Variants in FRMD5 observed in about 807,000 individuals in gnomAD.
The protein encoded by FRMD5 is FERM domain containing 5.
In FRMD5, 20 loss-of-function variants were observed where a neutral mutation model predicts 69.0. That is an observed-to-expected ratio of 0.29 (90% confidence interval 0.20 to 0.42). The LOEUF (loss-of-function observed/expected upper bound fraction) is 0.42, where lower values mean the gene tolerates loss of function less well. FRMD5 is among the 10% of genes least tolerant of loss of function. The pLI is 1.00. For synonymous variants in FRMD5, 271 were observed against 260.1 expected (o/e 1.04, Z -0.40); for missense variants, 595 against 708.6 (o/e 0.84, Z 1.82).
intron 1 of FRMD5, among the ~76,000 whole-genome samples, chr15:43,928,442 G>A (rs1161494760): frequency 6.6e-6 from 1 of 152,234 alleles, no homozygotes; most frequent in Non-Finnish European, 1.5e-5. Flanking sequence ...CCCTTCCTTT[G>A]AGGCACTCAC....
At chr15:43,995,474 C>T (rs1260155208) in intron 1 of FRMD5, among the ~76,000 whole-genome samples, 1 of 151,906 alleles carries the variant, frequency 6.6e-6, no homozygotes, top group Non-Finnish European at 1.5e-5. Context: ...AGGAGCTGGC[C>T]TGGAGCATGG....
rs1049152520 is a variant in FRMD5 at position 43,872,992 on chromosome 15, T to C, written c.*893A>G. On this transcript the variant is annotated 3_prime_UTR_variant, in exon 14 of 14. Coordinates refer to ENST00000417257, the MANE Select transcript of FRMD5 (RefSeq NM_032892.5). ...TAACTCTGCTTTCTCTTAACTACAC[T>C]TTGTCCAACATTTCTGACAGAACTA... The C allele has an allele frequency of 2.7e-5, 16 of 589,758 alleles. No homozygotes were observed. The highest frequency in any genetic ancestry group is 4.7e-5 in the Non-Finnish European group (16 of 340,276). The allele number at this position is 589,758 out of a possible 1,614,324, so 36.5% of individuals were successfully genotyped here.
intron 1 of FRMD5, among the ~76,000 whole-genome samples, chr15:44,156,486 C>T (rs1003399889): frequency 3.9e-5 from 6 of 152,178 alleles, no homozygotes; most frequent in Non-Finnish European, 7.4e-5. Flanking sequence ...AAAGATTGTG[C>T]TTTAAAAAGT....
At chr15:44,008,094 T>G (rs1172808913) in intron 1 of FRMD5, among the ~76,000 whole-genome samples, 20 of 134,148 alleles carry the variant, frequency 1.5e-4, no homozygotes, top group Admixed American at 1.3e-3. Flanking sequence ...CGGCAATTTT[T>G]TTTTTTTTTT....
intron 1 of FRMD5, among the ~76,000 whole-genome samples, chr15:44,003,572 G>C (rs1890307875): frequency 6.6e-6 from 1 of 152,018 alleles, no homozygotes; most frequent in East Asian, 1.9e-4. Flanking sequence ...TAGCCTCCTT[G>C]CTATTTGTCA....
At chr15:43,983,522 G>A (rs1044766432) in intron 1 of FRMD5, among the ~76,000 whole-genome samples, 10 of 152,082 alleles carry the variant, frequency 6.6e-5, no homozygotes, top group Admixed American at 6.6e-4. Flanking sequence ...GTCTGTTATC[G>A]CCAGCAAGAT....
chr15:44,171,992 G>T (rs1282189876), intron 1 of FRMD5, among the ~76,000 whole-genome samples: 1 of 152,020 alleles, frequency 6.6e-6, no homozygotes, highest in African/African-American at 2.4e-5. Flanking sequence ...TCAAACTCCT[G>T]ACCTCAAGTG....
rs142599802 is a variant in FRMD5 at position 43,894,798 on chromosome 15, C to T, written c.640-2729G>A. Among the ~76,000 whole-genome samples, 23 of 152,234 alleles carry T rather than the reference C, an allele frequency of 1.5e-4. No homozygotes were observed. In the East Asian group the frequency reaches 4.3e-3, roughly 28 times the overall value. ...GGTGCGGGCTCTTGGTCAAACCGCTCGGGTCCAGGTCCAGCTCTGCCACTC... is the reference window on the plus strand; with the variant it reads ...GGTGCGGGCTCTTGGTCAAACCGCTTGGGTCCAGGTCCAGCTCTGCCACTC... On this transcript the variant is annotated intron_variant, in intron 7 of 13. Coordinates refer to ENST00000417257, the MANE Select transcript of FRMD5 (RefSeq NM_032892.5).
chr15:44,173,110 CCAA>C (rs1412973277), intron 1 of FRMD5, among the ~76,000 whole-genome samples: 5 of 151,990 alleles, frequency 3.3e-5, no homozygotes, highest in Admixed American at 2.0e-4. Context: ...CTATTACAGA[CCAA>C]CAAATGGGCT....
At chr15:44,060,251 T>G (rs1893037096) in intron 1 of FRMD5, among the ~76,000 whole-genome samples, 1 of 152,124 alleles carries the variant, frequency 6.6e-6, no homozygotes, top group African/African-American at 2.4e-5. Context: ...AAGCAGCCCT[T>G]GAAGGCAGCG....
chr15:44,194,909 G>C (rs969817845), intron 1 of FRMD5, 44 bp downstream of exon 1: 1 of 1,469,998 alleles, frequency 6.8e-7, no homozygotes, highest in Non-Finnish European at 9.2e-7. Context: ...AGACTTGGGG[G>C]ACAAGGGGGT....
At chr15:44,057,788 A>G (rs527440500) in intron 1 of FRMD5, among the ~76,000 whole-genome samples, 5 of 152,312 alleles carry the variant, frequency 3.3e-5, no homozygotes, top group Admixed American at 3.3e-4. Context: ...AACATTCTGA[A>G]TTCTGTAAAA....
In FRMD5 at chr15:44,142,024, T is replaced by C. The variant is rs2140447836; in HGVS notation, c.102+52929A>G. On this transcript the variant is annotated intron_variant, in intron 1 of 13. Coordinates refer to ENST00000417257, the MANE Select transcript of FRMD5 (RefSeq NM_032892.5). Reference sequence around the variant, plus strand: ...GTCTGTGGCCTTTTCCATAATCTCTTTATGTCATCAGATGTATTCATTATC... The same window carrying C: ...GTCTGTGGCCTTTTCCATAATCTCTCTATGTCATCAGATGTATTCATTATC... Among the ~76,000 whole-genome samples the C allele has an allele frequency of 3.3e-5, 5 of 152,252 alleles. 1 individual carries two copies. The Middle Eastern group carries it at 0.01, about 311-fold the overall frequency.
chr15:43,910,798 A>T (rs1327572802), intron 4 of FRMD5, among the ~76,000 whole-genome samples: 2 of 152,226 alleles, frequency 1.3e-5, no homozygotes, highest in South Asian at 2.1e-4. Flanking sequence ...TAACTTATTT[A>T]ATTCTCACAT....
rs1009900806 is a variant in FRMD5 at position 43,872,616 on chromosome 15, T to C, written c.*1269A>G. 1 of 153,302 alleles carries C rather than the reference T, an allele frequency of 6.5e-6. No individual in the cohort carries two copies. The highest frequency in any genetic ancestry group is 2.4e-5 in the African/African-American group (1 of 41,458). The allele number at this position is 153,302 out of a possible 1,614,324, so 9.5% of individuals were successfully genotyped here. On this transcript the variant is annotated 3_prime_UTR_variant, in exon 14 of 14. Transcript: ENST00000417257. ...CTAGAACTTATGCAGAGGATGACCCTAGGGGGCAGCATTTCTACATCTAAG... is the reference window on the plus strand; with the variant it reads ...CTAGAACTTATGCAGAGGATGACCCCAGGGGGCAGCATTTCTACATCTAAG...
intron 1 of FRMD5, among the ~76,000 whole-genome samples, chr15:43,964,337 T>C (rs931033582): frequency 3.9e-5 from 6 of 151,952 alleles, no homozygotes; most frequent in Non-Finnish European, 8.8e-5. Context: ...ACTTTTTTTC[T>C]TTTTTCAAGC....
rs759055670 is a variant in FRMD5, at chr15:43,888,892, G to A, written c.729-20C>T. ...TCATTCCTAGAAGCACAAAGATAGTGCCTGTCACCTCATTGTGGGCTGCTT... is the reference window on the plus strand; with the variant it reads ...TCATTCCTAGAAGCACAAAGATAGTACCTGTCACCTCATTGTGGGCTGCTT... On this transcript the variant is annotated intron_variant, in intron 8 of 13. Coordinates refer to ENST00000417257, the MANE Select transcript of FRMD5 (RefSeq NM_032892.5). 1 of 1,608,604 alleles carries A rather than the reference G, an allele frequency of 6.2e-7. No individual in the cohort carries two copies. Among genetic ancestry groups the A allele is most frequent in the East Asian group, 2.2e-5 (1 of 44,850 alleles).
chr15:44,144,522 G>C (rs1436875666), intron 1 of FRMD5, among the ~76,000 whole-genome samples: 1 of 152,060 alleles, frequency 6.6e-6, no homozygotes, highest in Non-Finnish European at 1.5e-5. Context: ...AGAGGGTCTT[G>C]GGCCCAGAGG....
chr15:43,900,648 C>T (rs947220087), intron 7 of FRMD5, among the ~76,000 whole-genome samples: 2 of 148,024 alleles, frequency 1.4e-5, no homozygotes, highest in African/African-American at 2.5e-5. Flanking sequence ...GACAGAGTCT[C>T]GCTCTGTCAC....
Sources: gnomAD v4.1 joint callset for allele counts (sites outside exome capture counted in the v4.1 genomes callset) on GRCh38, gnomAD v4.1.1 for gene constraint, MANE v1.5 for transcripts, NCBI Gene and HGNC (gene_info 2026-07-23, HGNC 2026-07-21) for gene names.